The following LRGUK variants were observed in gnomAD, a reference collection of about 807,000 sequenced individuals.
LRGUK encodes leucine-rich repeat and guanylate kinase domain-containing protein.
Under a neutral mutation model 76.0 loss-of-function variants are expected in LRGUK, and 65 were observed. That is an observed-to-expected ratio of 0.85 (90% confidence interval 0.70 to 1.05). The LOEUF (loss-of-function observed/expected upper bound fraction) is 1.05, where lower values mean the gene tolerates loss of function less well. LRGUK is among the 50% of genes least tolerant of loss of function. The pLI, the probability that LRGUK is intolerant of heterozygous loss-of-function variation, is 0.00. For missense variants in LRGUK, 758 were observed against 732.8 expected (o/e 1.03, Z -0.40); for synonymous variants, 268 against 265.6 (o/e 1.01, Z -0.09).
chr7:134,226,218 A>ATGTGTGTGTGTGTGTGTGTG (rs57035440), intron 16 of LRGUK, among the ~76,000 whole-genome samples: 7 of 141,714 alleles, frequency 4.9e-5, no homozygotes, highest in African/African-American at 2.0e-4. Flanking sequence ...CCCATCTCCA[A>ATGTGTGTGTGTGTGTGTGTG]TGTGTGTGTG....
At chr7:134,257,529 G>T (rs924145674) in intron 18 of LRGUK, among the ~76,000 whole-genome samples, 86 of 152,298 alleles carry the variant, frequency 5.6e-4, no homozygotes, top group African/African-American at 2.1e-3. Context: ...ATGAGTGTGG[G>T]GCATGGTGGC....
At chr7:134,173,182 T>C (rs1345790247) in intron 7 of LRGUK, among the ~76,000 whole-genome samples, 2 of 152,190 alleles carry the variant, frequency 1.3e-5, no homozygotes, top group Non-Finnish European at 2.9e-5. Flanking sequence ...AAGATGTGTA[T>C]AATAGTATAA....
chr7:134,256,152 C>A (rs547503265), intron 18 of LRGUK, among the ~76,000 whole-genome samples: 7 of 152,114 alleles, frequency 4.6e-5, no homozygotes, highest in Non-Finnish European at 7.3e-5. Flanking sequence ...CACCCCCGAA[C>A]CTTCCCTTAA....
chr7:134,170,214 T>A (rs1273662118), intron 7 of LRGUK, among the ~76,000 whole-genome samples: 1 of 152,064 alleles, frequency 6.6e-6, no homozygotes, highest in Non-Finnish European at 1.5e-5. Context: ...CTGCTTTTCG[T>A]TGTACTCATT....
At chr7:134,184,485 A>G (rs1799899075) in intron 11 of LRGUK, among the ~76,000 whole-genome samples, 1 of 151,900 alleles carries the variant, frequency 6.6e-6, no homozygotes, top group Non-Finnish European at 1.5e-5. Context: ...TAGTCAGGAT[A>G]GTCTCGATCT....
At chr7:134,232,283 T>C (rs1156766096) in intron 16 of LRGUK, among the ~76,000 whole-genome samples, 1 of 148,566 alleles carries the variant, frequency 6.7e-6, no homozygotes, top group Non-Finnish European at 1.5e-5. Flanking sequence ...GTTTTTAATT[T>C]ATTTTTTTTT....
intron 11 of LRGUK, among the ~76,000 whole-genome samples, chr7:134,185,054 G>A (rs1024086075): frequency 6.6e-6 from 1 of 152,244 alleles, no homozygotes; most frequent in Non-Finnish European, 1.5e-5. Flanking sequence ...GAAGGAAGGA[G>A]AAGGGGCAGC....
At chr7:134,140,789 A>T (rs1797734772) in intron 3 of LRGUK, among the ~76,000 whole-genome samples, 1 of 152,132 alleles carries the variant, frequency 6.6e-6, no homozygotes, top group African/African-American at 2.4e-5. Context: ...AAAGACTTTC[A>T]ATTAACTTTT....
chr7:134,267,245 G>T (rs1047689937), downstream of LRGUK, among the ~76,000 whole-genome samples: 1 of 152,194 alleles, frequency 6.6e-6, no homozygotes, highest in Non-Finnish European at 1.5e-5. Context: ...GCCATAAAAA[G>T]AATGAAAACC....
At chr7:134,151,516 A>G (rs1798223851) in intron 5 of LRGUK, among the ~76,000 whole-genome samples, 1 of 152,128 alleles carries the variant, frequency 6.6e-6, no homozygotes. Flanking sequence ...TCAAAACAGA[A>G]GGCATATTCA....
chr7:134,243,083 C>T (rs1288059245), intron 16 of LRGUK, among the ~76,000 whole-genome samples: 1 of 152,058 alleles, frequency 6.6e-6, no homozygotes, highest in Admixed American at 6.5e-5. Flanking sequence ...TATGACAAAC[C>T]CACAGCCAAT....
chr7:134,225,125 G>GAA (rs769671717), intron 16 of LRGUK, among the ~76,000 whole-genome samples: 905 of 60,842 alleles, frequency 0.015, 16 homozygotes, highest in East Asian at 0.072. Context: ...AACAGAACTG[G>GAA]AAAAAAAAAA....
chr7:134,160,053 C>CATG (rs1300503184), intron 6 of LRGUK, among the ~76,000 whole-genome samples: 4 of 152,198 alleles, frequency 2.6e-5, no homozygotes, highest in African/African-American at 7.2e-5. Flanking sequence ...TTTTTAGCAG[C>CATG]ATGTGTGCTT....
chr7:134,218,094 TG>T (rs1323206013), intron 15 of LRGUK, among the ~76,000 whole-genome samples: 1 of 152,136 alleles, frequency 6.6e-6, no homozygotes, highest in East Asian at 1.9e-4. Flanking sequence ...CCCGAGTAGC[TG>T]GGATTACAGG....
At chr7:134,178,154 T>C (rs1388485341) in intron 9 of LRGUK, among the ~76,000 whole-genome samples, 2 of 152,204 alleles carry the variant, frequency 1.3e-5, no homozygotes, top group Non-Finnish European at 2.9e-5. Flanking sequence ...GTTGGAATGT[T>C]TACTATATTC....
intron 18 of LRGUK, among the ~76,000 whole-genome samples, chr7:134,256,307 A>G (rs1203829281): frequency 1.3e-5 from 2 of 151,772 alleles, no homozygotes; most frequent in African/African-American, 2.4e-5. Context: ...AAAATACAAA[A>G]AATTAGCTGG....
intron 11 of LRGUK, among the ~76,000 whole-genome samples, chr7:134,184,280 T>C (rs992828313): frequency 1.4e-3 from 206 of 152,024 alleles, no homozygotes; most frequent in African/African-American, 4.3e-3. Context: ...TTTTTCTTTT[T>C]TTTTTTTGAT....
exon 20 of LRGUK, chr7:134,263,957 C>G: frequency 6.2e-7 from 1 of 1,611,836 alleles, no homozygotes; most frequent in Non-Finnish European, 8.5e-7. Flanking sequence ...TCCCTCCAAT[C>G]CCTCAGGGCC....
rs191320674 is a variant in LRGUK, at chr7:134,252,586, A to C, written c.2198+3510A>C. Among the ~76,000 whole-genome samples, 89 of 152,260 alleles carry C rather than the reference A, an allele frequency of 5.8e-4. 1 individual carries two copies. The highest frequency in any genetic ancestry group is 2.1e-3 in the African/African-American group (86 of 41,534). ...GAGTGCCCCATCCCAGAATACCTCT[A>C]TCTGGGAATGTTGGTGCCATGTAGC... On this transcript the variant is annotated intron_variant, in intron 18 of 19. Transcript: ENST00000285928.
Sources: gnomAD v4.1 joint callset for allele counts (sites outside exome capture counted in the v4.1 genomes callset) on GRCh38, gnomAD v4.1.1 for gene constraint, MANE v1.5 for transcripts, NCBI Gene and HGNC (gene_info 2026-07-23, HGNC 2026-07-21) for gene names.